Variants in BRINP1 observed in about 807,000 individuals in gnomAD.
BRINP1 encodes the protein BMP/retinoic acid-inducible neural-specific protein 1.
In BRINP1, 17 loss-of-function variants were observed where a neutral mutation model predicts 72.9. The ratio of observed to expected loss-of-function variants is 0.23; its 90% CI spans 0.16 to 0.35. The LOEUF (loss-of-function observed/expected upper bound fraction) is 0.35. Among genes scored for constraint, BRINP1 ranks in the 10% least tolerant of loss-of-function variants. The probability of loss-of-function intolerance (pLI) is 1.00; values close to 1 mark genes in which losing one functional copy is unlikely to be tolerated. For missense variants in BRINP1, 850 were observed against 1,001.6 expected (o/e 0.85, Z 2.04); for synonymous variants, 418 against 378.5 (o/e 1.10, Z -1.21).
chr9:119,336,890 T>C (rs562686187), intron 1 of BRINP1, among the ~76,000 whole-genome samples: 18 of 152,098 alleles, frequency 1.2e-4, no homozygotes, highest in South Asian at 6.2e-4. Context: ...GAATACAATA[T>C]AAAAGCAACC....
intron 1 of BRINP1, among the ~76,000 whole-genome samples, chr9:119,315,287 G>A (rs1363141946): frequency 6.6e-6 from 1 of 151,852 alleles, no homozygotes; most frequent in African/African-American, 2.4e-5. Flanking sequence ...TGCTCACTTT[G>A]TGTCTTGGTG....
chr9:119,294,576 C>T (rs1264259566), intron 2 of BRINP1, among the ~76,000 whole-genome samples: 1 of 151,058 alleles, frequency 6.6e-6, no homozygotes, highest in African/African-American at 2.4e-5. Context: ...TTTAAAAAGA[C>T]ACAGAAAGGC....
intron 1 of BRINP1, among the ~76,000 whole-genome samples, chr9:119,367,219 T>TATATATATATATATATATATATATA (rs1219045184): frequency 1.1e-4 from 6 of 56,508 alleles, no homozygotes; most frequent in East Asian, 4.0e-4. Flanking sequence ...GTGTGTGTGA[T>TATATATATATATATATATATATATA]TGATATATAT....
chr9:119,223,642 G>A (rs28402828), intron 5 of BRINP1, among the ~76,000 whole-genome samples: 14,778 of 152,066 alleles, frequency 0.097, 886 homozygotes, highest in African/African-American at 0.17. Flanking sequence ...CCCAGAGTAC[G>A]TGTTTGAATG....
intron 2 of BRINP1, among the ~76,000 whole-genome samples, chr9:119,250,005 A>G (rs1588177553): frequency 5.6e-5 from 6 of 106,810 alleles, no homozygotes; most frequent in Admixed American, 2.0e-4. Context: ...AGAGAGGGAG[A>G]GAGAAAGGGA....
chr9:119,330,798 C>CG (rs200628179), intron 1 of BRINP1, among the ~76,000 whole-genome samples: 1 of 151,968 alleles, frequency 6.6e-6, no homozygotes, highest in Non-Finnish European at 1.5e-5. Flanking sequence ...GAGGCTGAGG[C>CG]GGGGGGATCA....
At chr9:119,344,867 A>G (rs1831435370) in intron 1 of BRINP1, among the ~76,000 whole-genome samples, 1 of 152,332 alleles carries the variant, frequency 6.6e-6, no homozygotes, top group African/African-American at 2.4e-5. Flanking sequence ...AAACCCCATA[A>G]GCACATAAAA....
chr9:119,346,840 T>C (rs1354163566), intron 1 of BRINP1, among the ~76,000 whole-genome samples: 3 of 152,160 alleles, frequency 2.0e-5, no homozygotes, highest in Non-Finnish European at 4.4e-5. Flanking sequence ...CTTTGGGTTG[T>C]TTTATGGCCT....
At chr9:119,213,386 C>T (rs1829948752) in intron 6 of BRINP1, among the ~76,000 whole-genome samples, 2 of 152,168 alleles carry the variant, frequency 1.3e-5, no homozygotes, top group Non-Finnish European at 2.9e-5. Flanking sequence ...TTTTTCTGAA[C>T]TATGAAAGGC....
intron 7 of BRINP1, among the ~76,000 whole-genome samples, chr9:119,190,403 T>C (rs1829671315): frequency 1.4e-5 from 2 of 139,708 alleles, no homozygotes; most frequent in Admixed American, 7.2e-5. Flanking sequence ...AACAAACCCC[T>C]AGCTAGACTA....
At position 119,311,421 on chromosome 9, in the gene BRINP1, T is replaced by C. The variant is rs571234297; in HGVS notation, c.218+1717A>G. On this transcript the variant is annotated intron_variant, in intron 2 of 7. Transcript: ENST00000265922. ...AGTAGAATCCAAAGTAAATCATACA[T>C]GAAATCTTAACACAAAAGCAGATAC... Among the ~76,000 whole-genome samples the C allele has an allele frequency of 1.7e-4, 26 of 152,322 alleles. No homozygotes were observed. The South Asian group carries it at 3.7e-3, about 22-fold the overall frequency.
At chr9:119,208,494 C>T (rs945440187) in intron 7 of BRINP1, among the ~76,000 whole-genome samples, 2 of 152,136 alleles carry the variant, frequency 1.3e-5, no homozygotes, top group African/African-American at 4.8e-5. Context: ...AACACAGAGG[C>T]TGAAAATTCA....
chr9:119,232,097 A>T (rs1365273876), intron 5 of BRINP1, among the ~76,000 whole-genome samples: 1 of 152,174 alleles, frequency 6.6e-6, no homozygotes, highest in African/African-American at 2.4e-5. Flanking sequence ...TACCAGTCTC[A>T]TCATAGCAAT....
chr9:119,168,920 G>T (rs1588151853), intron 7 of BRINP1, among the ~76,000 whole-genome samples: 3 of 152,282 alleles, frequency 2.0e-5, no homozygotes, highest in Admixed American at 2.0e-4. Context: ...GGAAGACAGT[G>T]TGGCGATTCC....
chr9:119,354,430 G>A (rs957275446), intron 1 of BRINP1, among the ~76,000 whole-genome samples: 16 of 152,192 alleles, frequency 1.1e-4, no homozygotes, highest in African/African-American at 3.9e-4. Flanking sequence ...AGGTGGGGAT[G>A]ATCTCAGATC....
At chr9:119,279,177 G>A (rs1469501956) in intron 2 of BRINP1, among the ~76,000 whole-genome samples, 1 of 152,166 alleles carries the variant, frequency 6.6e-6, no homozygotes, top group Admixed American at 6.5e-5. Context: ...GCTATTTGGG[G>A]AAAGCTCAGT....
At chr9:119,348,616 C>T (rs138557143) in intron 1 of BRINP1, among the ~76,000 whole-genome samples, 6 of 152,096 alleles carry the variant, frequency 3.9e-5, no homozygotes, top group African/African-American at 1.2e-4. Flanking sequence ...TCACTGTTCT[C>T]GATTTGGGAA....
At chr9:119,239,771 C>A (rs959605720) in intron 4 of BRINP1, among the ~76,000 whole-genome samples, 1 of 152,066 alleles carries the variant, frequency 6.6e-6, no homozygotes, top group Non-Finnish European at 1.5e-5. Context: ...TTTAGCACTT[C>A]GGGTGCAGTC....
In BRINP1 at chr9:119,354,928, T is replaced by C. The variant is rs146707854; in HGVS notation, c.-51+14128A>G. On this transcript the variant is annotated intron_variant, in intron 1 of 7. Transcript: ENST00000265922. The stretch of plus-strand genomic sequence containing the variant: ...TTTCCAGTTTTTATAGGCATTATTG[T>C]TCAGGCCAAGATTGAGCAAAACAGA... Among the ~76,000 whole-genome samples the C allele has an allele frequency of 3.7e-3, 561 of 152,296 alleles. 2 individuals carry two copies. The highest frequency in any genetic ancestry group is 0.013 in the African/African-American group (541 of 41,554).
Sources: gnomAD v4.1 joint callset for allele counts (sites outside exome capture counted in the v4.1 genomes callset) on GRCh38, gnomAD v4.1.1 for gene constraint, MANE v1.5 for transcripts, NCBI Gene and HGNC (gene_info 2026-07-23, HGNC 2026-07-21) for gene names.